CDC42BPA: variants seen among roughly 807,000 people sequenced by gnomAD.
CDC42BPA encodes the protein serine/threonine-protein kinase MRCK alpha.
In CDC42BPA, 80 loss-of-function variants were observed where a neutral mutation model predicts 223.5. The ratio of observed to expected loss-of-function variants is 0.36; its 90% CI spans 0.30 to 0.43. CDC42BPA has a LOEUF of 0.43. Ranked by LOEUF, CDC42BPA falls within the 20% of genes least tolerant of loss-of-function variation. The pLI is 1.00. For synonymous variants in CDC42BPA, 694 were observed against 718.6 expected (o/e 0.97, Z 0.55); for missense variants, 1,743 against 2,099.9 (o/e 0.83, Z 3.32).
chr1:227,253,247 CGAGAGAGAGAGCGA>C (rs973126888), intron 2 of CDC42BPA, among the ~76,000 whole-genome samples: 1 of 138,424 alleles, frequency 7.2e-6, no homozygotes, highest in Non-Finnish European at 1.6e-5. Flanking sequence ...AGAAAGAGAG[CGAGAGAGAGAGCGA>C]GAGAGAGCGC....
chr1:227,162,349 T>C (rs1170791203), intron 5 of CDC42BPA, among the ~76,000 whole-genome samples: 1 of 152,154 alleles, frequency 6.6e-6, no homozygotes, highest in African/African-American at 2.4e-5. Context: ...CCTGATCTCA[T>C]CCTCTCCCTC....
chr1:227,039,012 C>T (rs751720667), intron 24 of CDC42BPA, among the ~76,000 whole-genome samples: 78 of 152,200 alleles, frequency 5.1e-4, no homozygotes, highest in Admixed American at 3.0e-3. Context: ...AAAAGCTTCA[C>T]CAGAGTCCTT....
At chr1:227,312,453 G>A (rs927885948) in intron 1 of CDC42BPA, among the ~76,000 whole-genome samples, 1 of 152,098 alleles carries the variant, frequency 6.6e-6, no homozygotes, top group African/African-American at 2.4e-5. Flanking sequence ...TTTATATACT[G>A]CTATACTAAG....
intron 24 of CDC42BPA, among the ~76,000 whole-genome samples, chr1:227,036,673 C>T (rs1454641720): frequency 6.6e-6 from 1 of 152,086 alleles, no homozygotes; most frequent in South Asian, 2.1e-4. Flanking sequence ...TCGTGATCCG[C>T]CCGCCTGGGC....
At chr1:227,033,511 G>T in intron 26 of CDC42BPA, 96 bp from the exon 27 acceptor site, 1 of 698,326 alleles carries the variant, frequency 1.4e-6, no homozygotes, top group Non-Finnish European at 2.5e-6. Context: ...AAGCTTAACT[G>T]CACCAAACAC....
chr1:227,309,503 C>A (rs968209888), intron 1 of CDC42BPA, among the ~76,000 whole-genome samples: 1 of 152,190 alleles, frequency 6.6e-6, no homozygotes, highest in Non-Finnish European at 1.5e-5. Context: ...AAAGTTCCCA[C>A]ACTAGTCCAA....
At chr1:227,023,214 A>G (rs749700790) in intron 32 of CDC42BPA, 49 bp downstream of exon 32, 4 of 905,870 alleles carry the variant, frequency 4.4e-6, no homozygotes, top group Non-Finnish European at 6.9e-6. Context: ...TTAGCTTAGA[A>G]ATAATATTTC....
chr1:227,231,593 C>T (rs1427795201), intron 2 of CDC42BPA, among the ~76,000 whole-genome samples: 1 of 151,910 alleles, frequency 6.6e-6, no homozygotes, highest in Non-Finnish European at 1.5e-5. Context: ...GTTTACAGTC[C>T]CACCAACAGT....
intron 5 of CDC42BPA, among the ~76,000 whole-genome samples, chr1:227,168,497 G>GTGTTTTGTTTTTT (rs1302291274): frequency 0.031 from 2,489 of 79,960 alleles, 187 homozygotes; most frequent in Non-Finnish European, 0.043. Context: ...CTTCCCTGGT[G>GTGTTTTGTTTTTT]TTTTTTTTTT....
At chr1:227,269,730 T>G (rs1029777071) in intron 1 of CDC42BPA, among the ~76,000 whole-genome samples, 3 of 151,938 alleles carry the variant, frequency 2.0e-5, no homozygotes, top group Non-Finnish European at 4.4e-5. Context: ...GAAAACCATA[T>G]GGAAAATGTC....
At chr1:227,004,003 G>A (rs1431273935) in intron 35 of CDC42BPA, 1 of 151,788 alleles carries the variant, frequency 6.6e-6, no homozygotes, top group Non-Finnish European at 1.5e-5. Context: ...GTAGTAAAGG[G>A]TATATTCTTG....
intron 25 of CDC42BPA, 26 bp from the exon 26 acceptor site, chr1:227,034,820 C>CAAAG (rs2148699023): frequency 1.9e-6 from 3 of 1,581,170 alleles, no homozygotes; most frequent in Non-Finnish European, 2.6e-6. Context: ...GACAGACAAA[C>CAAAG]AGCCAAAACA....
chr1:227,151,157 C>G (rs1159678968), intron 6 of CDC42BPA, among the ~76,000 whole-genome samples: 2 of 152,110 alleles, frequency 1.3e-5, no homozygotes, highest in African/African-American at 4.8e-5. Flanking sequence ...GTAATTCCCC[C>G]ATTTCCCCTT....
intron 21 of CDC42BPA, among the ~76,000 whole-genome samples, chr1:227,065,831 A>T (rs1676923833): frequency 6.6e-6 from 1 of 152,188 alleles, no homozygotes; most frequent in South Asian, 2.1e-4. Context: ...GAATGATAAT[A>T]TGTTGATACC....
chr1:227,069,933 A>T, intron 20 of CDC42BPA, 80 bp from the exon 21 acceptor site: 1 of 907,476 alleles, frequency 1.1e-6, no homozygotes, highest in South Asian at 1.5e-5. Flanking sequence ...GTCTGAATCT[A>T]CTAAAAGCAG....
rs370007320 is a variant in CDC42BPA at position 227,291,274 on chromosome 1, C to T, written c.178+25731G>A. On this transcript the variant is annotated intron_variant, in intron 1 of 36. Transcript: ENST00000366766. ...TGTTAAAAAAGAAGTCTAGGCTGGG[C>T]GCGGTGGCTCATGCCTGTAATCCCA... Among the ~76,000 whole-genome samples, 230 of 152,194 alleles carry T rather than the reference C, an allele frequency of 1.5e-3. 1 individual carries two copies. Among genetic ancestry groups the T allele is most frequent in the Admixed American group, 8.8e-3 (134 of 15,288 alleles).
intron 5 of CDC42BPA, among the ~76,000 whole-genome samples, chr1:227,170,839 G>C (rs1665980518): frequency 6.6e-6 from 1 of 152,168 alleles, no homozygotes; most frequent in Non-Finnish European, 1.5e-5. Context: ...CCTTCTACAG[G>C]TGTTAACCCC....
chr1:227,290,728 T>G lies in CDC42BPA; in HGVS notation c.178+26277A>C, dbSNP rs185341684. ...CTATTTATAATTTTAAAATTAAAATTTAATTATACATATCTATAATGCATC... is the reference window on the plus strand; with the variant it reads ...CTATTTATAATTTTAAAATTAAAATGTAATTATACATATCTATAATGCATC... On this transcript the variant is annotated intron_variant, in intron 1 of 36. Coordinates refer to ENST00000366766, the MANE Select transcript of CDC42BPA (RefSeq NM_001394014.1). Among the ~76,000 whole-genome samples the G allele has an allele frequency of 1.3e-3, 193 of 152,306 alleles. 3 individuals are homozygous for G. In the East Asian group the frequency reaches 0.026, roughly 21 times the overall value.
intron 17 of CDC42BPA, among the ~76,000 whole-genome samples, chr1:227,079,374 G>A (rs545004713): frequency 2.6e-5 from 4 of 152,002 alleles, no homozygotes; most frequent in African/African-American, 9.6e-5. Flanking sequence ...TCCATTACTA[G>A]CACCACTTCC....
Sources: gnomAD v4.1 joint callset for allele counts (sites outside exome capture counted in the v4.1 genomes callset) on GRCh38, gnomAD v4.1.1 for gene constraint, MANE v1.5 for transcripts, NCBI Gene and HGNC (gene_info 2026-07-23, HGNC 2026-07-21) for gene names.